Variants in SMG7 observed in about 807,000 individuals in gnomAD.
The protein encoded by SMG7 is SMG7 nonsense mediated mRNA decay factor, also known as nonsense-mediated mRNA decay factor SMG7.
Under a neutral mutation model 148.2 loss-of-function variants are expected in SMG7, and 34 were observed. The observed-to-expected ratio is 0.23, with a 90% CI of 0.17 to 0.31. The LOEUF (loss-of-function observed/expected upper bound fraction) is 0.31, where lower values mean the gene tolerates loss of function less well. SMG7 is among the 10% of genes least tolerant of loss of function. The probability of loss-of-function intolerance (pLI) is 1.00; values close to 1 mark genes in which losing one functional copy is unlikely to be tolerated. For synonymous variants in SMG7, 492 were observed against 515.1 expected, an observed-to-expected ratio of 0.96 and a Z score of 0.61; for missense variants, 1,114 against 1,408.4, an observed-to-expected ratio of 0.79 and a Z score of 3.35.
At chr1:183,498,567 G>A (rs762089271) in intron 1 of SMG7, among the ~76,000 whole-genome samples, 5 of 152,228 alleles carry the variant, frequency 3.3e-5, no homozygotes, top group Non-Finnish European at 7.3e-5. Flanking sequence ...ACCGTCACCT[G>A]TCAAAGGATG....
chr1:183,491,827 C>T (rs111509917), intron 1 of SMG7, among the ~76,000 whole-genome samples: 11 of 152,216 alleles, frequency 7.2e-5, no homozygotes, highest in African/African-American at 2.2e-4. Context: ...ATTAAGGTGC[C>T]GGCAGGTTCG....
chr1:183,477,736 A>G (rs1184193591), intron 1 of SMG7, among the ~76,000 whole-genome samples: 1 of 150,100 alleles, frequency 6.7e-6, no homozygotes. Flanking sequence ...ATATATGCAT[A>G]TATACATGTG....
At chr1:183,542,825 A>G (rs1279611330) in intron 14 of SMG7, among the ~76,000 whole-genome samples, 1 of 151,972 alleles carries the variant, frequency 6.6e-6, no homozygotes, top group Non-Finnish European at 1.5e-5. Flanking sequence ...CCATTTGTCA[A>G]TGCTATAGTG....
chr1:183,537,396 T>G (rs947691323), intron 11 of SMG7, among the ~76,000 whole-genome samples, 181 bp downstream of exon 11: 8 of 152,188 alleles, frequency 5.3e-5, no homozygotes, highest in Non-Finnish European at 8.8e-5. Context: ...CCAGTTCTTC[T>G]GGCAGCTTAT....
chr1:183,504,022 C>T lies in SMG7; in HGVS notation c.30-8815C>T, dbSNP rs555563181. ...TTTTTAGTGAACAGCTGCCATGGGCCGAGGCATTATTCTAGTTGTTATGGC... is the reference window on the plus strand; with the variant it reads ...TTTTTAGTGAACAGCTGCCATGGGCTGAGGCATTATTCTAGTTGTTATGGC... On this transcript the variant is annotated intron_variant, in intron 1 of 22. Coordinates refer to ENST00000688051, the MANE Select transcript of SMG7 (RefSeq NM_001375584.1). Among the ~76,000 whole-genome samples the T allele has an allele frequency of 7.2e-5, 11 of 152,242 alleles. No homozygotes were observed. In the South Asian group the frequency reaches 1.7e-3, roughly 23 times the overall value.
chr1:183,527,853 T>C lies in SMG7; in HGVS notation c.485-103T>C. 1 of 735,194 alleles carries C rather than the reference T, an allele frequency of 1.4e-6. No individual in the cohort carries two copies. Among genetic ancestry groups the C allele is most frequent in the South Asian group, 1.7e-5 (1 of 60,406 alleles). 45.5% of individuals were successfully genotyped at this position (735,194 alleles called of 1,614,324 possible). A position where few individuals can be genotyped will look rare whatever the true frequency, so the allele number is the denominator to read the frequency against. On this transcript the variant is annotated intron_variant, in intron 5 of 22. Transcript: ENST00000688051. The surrounding 1 kb of genome is among the most constrained non-coding windows in gnomAD (Gnocchi z 4.0). Reference sequence around the variant, plus strand: ...TTTGTCTTTAATTTTAAATTAACTTTAATGTCTTTATTATCTTTAGAACTT... The same window carrying C: ...TTTGTCTTTAATTTTAAATTAACTTCAATGTCTTTATTATCTTTAGAACTT...
At chr1:183,519,688 T>G (rs1485345024) in intron 4 of SMG7, among the ~76,000 whole-genome samples, 1 of 152,206 alleles carries the variant, frequency 6.6e-6, no homozygotes, top group Admixed American at 6.5e-5. Context: ...AAATTGCCAC[T>G]TTAATATATA....
chr1:183,497,773 C>G (rs1658855217), intron 1 of SMG7, among the ~76,000 whole-genome samples: 1 of 151,952 alleles, frequency 6.6e-6, no homozygotes, highest in Non-Finnish European at 1.5e-5. Context: ...GTTTCACCAT[C>G]TTGGCCAGGC....
chr1:183,524,194 G>A (rs951080348), intron 4 of SMG7, among the ~76,000 whole-genome samples: 2 of 151,894 alleles, frequency 1.3e-5, no homozygotes, highest in Non-Finnish European at 1.5e-5. Flanking sequence ...TGAGCCTCCC[G>A]CCTCACCCTT....
At chr1:183,474,164 TAG>T (rs1267120430) in intron 1 of SMG7, among the ~76,000 whole-genome samples, 1 of 152,210 alleles carries the variant, frequency 6.6e-6, no homozygotes, top group Non-Finnish European at 1.5e-5. Context: ...GTAGGTGCTA[TAG>T]AGAGATGGAA....
chr1:183,479,697 A>C (rs1032865475), intron 1 of SMG7, among the ~76,000 whole-genome samples: 1 of 152,206 alleles, frequency 6.6e-6, no homozygotes, highest in Non-Finnish European at 1.5e-5. Flanking sequence ...TACCGGGGTT[A>C]TGCCTTTGGC....
intron 12 of SMG7, among the ~76,000 whole-genome samples, 194 bp from the exon 13 acceptor site, chr1:183,540,790 T>C (rs1383794809): frequency 2.0e-5 from 3 of 152,252 alleles, no homozygotes; most frequent in Non-Finnish European, 4.4e-5. Flanking sequence ...TTGTATATTT[T>C]CTTTTCTGCT....
chr1:183,550,229 G>A (rs759962240), intron 20 of SMG7: 10 of 274,878 alleles, frequency 3.6e-5, no homozygotes, highest in Non-Finnish European at 6.8e-5. Flanking sequence ...TTCATTCTTT[G>A]CAGAAAAATT....
intron 7 of SMG7, 129 bp downstream of exon 7, chr1:183,529,171 C>T (rs1666426483): frequency 9.8e-7 from 1 of 1,018,742 alleles, no homozygotes. Context: ...ATAGATTTTT[C>T]ATAATTTGTG....
At chr1:183,512,949 C>A in intron 2 of SMG7, 81 bp downstream of exon 2, 2 of 1,295,750 alleles carry the variant, frequency 1.5e-6, no homozygotes, top group Non-Finnish European at 2.1e-6. Context: ...TTATATTATG[C>A]ACAGCACTAA....
rs190804851 is a variant in SMG7 at position 183,478,422 on chromosome 1, G to A, written c.29+5773G>A. Reference sequence around the variant, plus strand: ...TAACAGTGTTAATAGCTTATTACCTGCTTGGATATTGTCTGACTAAATTAT... The same window carrying A: ...TAACAGTGTTAATAGCTTATTACCTACTTGGATATTGTCTGACTAAATTAT... On this transcript the variant is annotated intron_variant, in intron 1 of 22. Transcript: ENST00000688051. Among the ~76,000 whole-genome samples the A allele has an allele frequency of 1.9e-3, 294 of 152,218 alleles. 1 individual carries two copies. The highest frequency in any genetic ancestry group is 3.6e-3 in the Non-Finnish European group (244 of 68,000).
At chr1:183,506,991 G>C (rs1005193587) in intron 1 of SMG7, among the ~76,000 whole-genome samples, 6 of 147,634 alleles carry the variant, frequency 4.1e-5, no homozygotes, top group African/African-American at 1.5e-4. Context: ...TGATTCTCCT[G>C]CCTCAGCCTC....
Position 183,546,130 on chromosome 1 carries a change from A to T in SMG7, c.2535A>T (p.Leu845=). Residue 845 remains leucine (L), a synonymous_variant, in exon 17 of 23, where the codon CTA becomes CTT. Coordinates refer to ENST00000688051, the MANE Select transcript of SMG7 (RefSeq NM_001375584.1). ...CTCCTGTAATGCAGCAGCAGCCTCT[A>T]GAAAAAAAAATGAAGCCTTTTCCCA... The part of the protein sequence containing the change: ...LQPPVMQQQP[L]EKKMKPFPME... The T allele has an allele frequency of 6.2e-7, 1 of 1,614,022 alleles. No individual in the cohort carries two copies.
chr1:183,533,069 GGTGGTTCTAA>G, intron 8 of SMG7, 85 bp from the exon 9 acceptor site: 1 of 982,706 alleles, frequency 1.0e-6, no homozygotes, highest in Admixed American at 2.1e-5. Context: ...TATTACACAT[GGTGGTTCTAA>G]ATGCAGACTA....
Sources: allele counts gnomAD v4.1 joint callset (sites outside exome capture counted in the v4.1 genomes callset), GRCh38; gene constraint gnomAD v4.1.1; non-coding constraint Gnocchi (gnomAD v3.1); transcripts MANE v1.5; gene names NCBI Gene and HGNC (gene_info 2026-07-23, HGNC 2026-07-21).